FMNL2: variants seen among roughly 807,000 people sequenced by gnomAD.
FMNL2 encodes formin like 2.
A neutral mutation model predicts 130.2 loss-of-function variants in FMNL2; 51 were observed. The ratio of observed to expected loss-of-function variants is 0.39; its 90% CI spans 0.31 to 0.49. The LOEUF is 0.49. FMNL2 is among the 20% of genes least tolerant of loss of function. FMNL2 has a pLI of 0.85. For synonymous variants in FMNL2, 465 were observed against 467.1 expected, an observed-to-expected ratio of 1.00 and a Z score of 0.06; for missense variants, 977 against 1,316.2, an observed-to-expected ratio of 0.74 and a Z score of 3.99.
At chr2:152,365,127 G>T (rs1683436526) in intron 1 of FMNL2, among the ~76,000 whole-genome samples, 1 of 152,160 alleles carries the variant, frequency 6.6e-6, no homozygotes. Context: ...TGCTATAATA[G>T]GAATATGTAT....
At chr2:152,492,035 G>A (rs1691238408) in intron 1 of FMNL2, among the ~76,000 whole-genome samples, 1 of 152,142 alleles carries the variant, frequency 6.6e-6, no homozygotes, top group South Asian at 2.1e-4. Context: ...TATGTACTAT[G>A]AAAAATAGTA....
intron 6 of FMNL2, among the ~76,000 whole-genome samples, chr2:152,573,052 A>G (rs1188690423): frequency 6.6e-6 from 1 of 152,224 alleles, no homozygotes; most frequent in African/African-American, 2.4e-5. Context: ...TAGTGAGAGG[A>G]AATCCTTTTA....
intron 12 of FMNL2, among the ~76,000 whole-genome samples, chr2:152,616,497 A>AT (rs1468287147): frequency 6.6e-6 from 1 of 151,536 alleles, no homozygotes; most frequent in African/African-American, 2.4e-5. Context: ...CACCTGGCTA[A>AT]TTTTTGTATT....
chr2:152,505,031 A>G (rs1432221567), intron 1 of FMNL2, among the ~76,000 whole-genome samples: 1 of 152,206 alleles, frequency 6.6e-6, no homozygotes, highest in Non-Finnish European at 1.5e-5. Flanking sequence ...GGGATATTGC[A>G]TGATATTTCC....
intron 1 of FMNL2, among the ~76,000 whole-genome samples, chr2:152,373,404 T>C (rs568785787): frequency 1.3e-5 from 2 of 152,284 alleles, no homozygotes; most frequent in East Asian, 3.9e-4. Context: ...GGTTTGGTGT[T>C]TCTGAAGCAC....
At chr2:152,516,780 A>C (rs143851230) in intron 1 of FMNL2, among the ~76,000 whole-genome samples, 3 of 152,236 alleles carry the variant, frequency 2.0e-5, no homozygotes, top group African/African-American at 7.2e-5. Context: ...TGATTTGGGC[A>C]CCATCATTCT....
intron 1 of FMNL2, among the ~76,000 whole-genome samples, chr2:152,394,063 C>A (rs1443911803): frequency 6.6e-6 from 1 of 152,026 alleles, no homozygotes; most frequent in African/African-American, 2.4e-5. Flanking sequence ...TAGATGATAA[C>A]TCATTTAATT....
intron 4 of FMNL2, among the ~76,000 whole-genome samples, chr2:152,558,008 C>T (rs1246931884): frequency 1.3e-5 from 2 of 152,096 alleles, no homozygotes; most frequent in South Asian, 2.1e-4. Flanking sequence ...TGTTTGACCT[C>T]CCATCAGGAT....
At chr2:152,575,942 C>T (rs887793720) in intron 7 of FMNL2, among the ~76,000 whole-genome samples, 8 of 152,160 alleles carry the variant, frequency 5.3e-5, no homozygotes, top group East Asian at 1.9e-4. Context: ...CTGGAAGTTA[C>T]GGTGGAACAC....
intron 1 of FMNL2, among the ~76,000 whole-genome samples, chr2:152,465,148 T>G (rs1355248991): frequency 6.6e-6 from 1 of 152,204 alleles, no homozygotes; most frequent in East Asian, 1.9e-4. Context: ...TCGGAGAGGC[T>G]TCATAGAGAA....
intron 1 of FMNL2, among the ~76,000 whole-genome samples, chr2:152,351,774 A>G (rs1001277931): frequency 6.6e-6 from 1 of 152,176 alleles, no homozygotes; most frequent in East Asian, 1.9e-4. Flanking sequence ...AGGAATCACC[A>G]CACTGTCTTC....
intron 17 of FMNL2, among the ~76,000 whole-genome samples, chr2:152,627,286 A>C (rs1437997731): frequency 6.6e-6 from 1 of 152,238 alleles, no homozygotes; most frequent in Non-Finnish European, 1.5e-5. Flanking sequence ...GGACATTTTA[A>C]ACAAAGTTCA....
chr2:152,441,147 C>A (rs1249458322), intron 1 of FMNL2, among the ~76,000 whole-genome samples: 3 of 152,122 alleles, frequency 2.0e-5, no homozygotes, highest in African/African-American at 7.2e-5. Context: ...TTTATTCAAC[C>A]TGCTTATTTT....
chr2:152,584,548 T>C (rs1446592725), intron 9 of FMNL2, among the ~76,000 whole-genome samples: 1 of 152,228 alleles, frequency 6.6e-6, no homozygotes, highest in African/African-American at 2.4e-5. Context: ...CTTTGATCAC[T>C]GTTAGAGCAT....
chr2:152,489,595 A>C (rs949646826), intron 1 of FMNL2, among the ~76,000 whole-genome samples: 4 of 152,232 alleles, frequency 2.6e-5, no homozygotes, highest in African/African-American at 9.6e-5. Flanking sequence ...CTGTGCTTAT[A>C]TACACAATGT....
At chr2:152,412,474 A>T (rs1344258991) in intron 1 of FMNL2, among the ~76,000 whole-genome samples, 1 of 30,540 alleles carries the variant, frequency 3.3e-5, no homozygotes, top group Admixed American at 2.6e-4. Flanking sequence ...ATATATATAT[A>T]TATATATATA....
intron 1 of FMNL2, among the ~76,000 whole-genome samples, chr2:152,467,338 A>G (rs1315997012): frequency 6.6e-6 from 1 of 152,220 alleles, no homozygotes; most frequent in Non-Finnish European, 1.5e-5. Context: ...TGAAACACAC[A>G]AATCTCAAAA....
At chr2:152,429,265 C>T (rs1022452566) in intron 1 of FMNL2, among the ~76,000 whole-genome samples, 16 of 151,264 alleles carry the variant, frequency 1.1e-4, no homozygotes, top group Non-Finnish European at 2.4e-4. Context: ...GAAGACAGCA[C>T]GCAGTGTCCG....
chr2:152,607,969 G>A (rs1329613594), intron 10 of FMNL2, among the ~76,000 whole-genome samples: 1 of 152,060 alleles, frequency 6.6e-6, no homozygotes, highest in Non-Finnish European at 1.5e-5. Flanking sequence ...CAGGTTAGGT[G>A]ACATACAAGA....
Sources: allele counts gnomAD v4.1 joint callset (sites outside exome capture counted in the v4.1 genomes callset), GRCh38; gene constraint gnomAD v4.1.1; transcripts MANE v1.5; gene names NCBI Gene and HGNC (gene_info 2026-07-23, HGNC 2026-07-21).